The following THSD7A variants were observed in gnomAD, a reference collection of about 807,000 sequenced individuals.
The protein encoded by THSD7A is thrombospondin type-1 domain-containing protein 7A.
A neutral mutation model predicts 231.3 loss-of-function variants in THSD7A; 96 were observed. The observed-to-expected ratio is 0.41, with a 90% CI of 0.35 to 0.49. The LOEUF (loss-of-function observed/expected upper bound fraction) is 0.49, where lower values mean the gene tolerates loss of function less well. Ranked by LOEUF, THSD7A falls within the 20% of genes least tolerant of loss-of-function variation. The probability of loss-of-function intolerance (pLI) is 0.05; values close to 1 mark genes in which losing one functional copy is unlikely to be tolerated. For missense variants in THSD7A, 2,290 were observed against 2,070.2 expected (o/e 1.11, Z -2.06); for synonymous variants, 940 against 743.3 (o/e 1.26, Z -4.30).
intron 13 of THSD7A, among the ~76,000 whole-genome samples, chr7:11,432,753 A>T (rs1347490653): frequency 1.3e-5 from 2 of 152,028 alleles, no homozygotes. Flanking sequence ...TGGGGCCATT[A>T]TTAACAGTGC....
intron 1 of THSD7A, among the ~76,000 whole-genome samples, chr7:11,791,465 G>C (rs1367473963): frequency 6.6e-6 from 1 of 151,938 alleles, no homozygotes; most frequent in Non-Finnish European, 1.5e-5. Context: ...CCTTTGTTGA[G>C]GGTTGAAGGA....
intron 13 of THSD7A, among the ~76,000 whole-genome samples, chr7:11,432,553 A>T (rs983254770): frequency 6.6e-5 from 10 of 152,028 alleles, no homozygotes; most frequent in African/African-American, 9.7e-5. Context: ...TTTCATGTAA[A>T]TCGAATCATA....
intron 1 of THSD7A, among the ~76,000 whole-genome samples, chr7:11,713,689 G>A (rs1220526148): frequency 6.6e-6 from 1 of 151,178 alleles, no homozygotes; most frequent in Non-Finnish European, 1.5e-5. Context: ...GAAGCCAGAT[G>A]ATCATGACAG....
intron 1 of THSD7A, among the ~76,000 whole-genome samples, chr7:11,664,729 A>G (rs1191322082): frequency 6.6e-6 from 1 of 152,008 alleles, no homozygotes; most frequent in African/African-American, 2.4e-5. Flanking sequence ...CATGATGGTA[A>G]GCTTAAGATG....
intron 2 of THSD7A, among the ~76,000 whole-genome samples, chr7:11,601,742 G>A (rs1207730490): frequency 6.6e-6 from 1 of 152,136 alleles, no homozygotes; most frequent in Non-Finnish European, 1.5e-5. Flanking sequence ...GTAGACGTCT[G>A]AATCTTAAGA....
intron 23 of THSD7A, among the ~76,000 whole-genome samples, chr7:11,397,302 C>T (rs992419962): frequency 6.6e-6 from 1 of 152,112 alleles, no homozygotes. Context: ...CTAAGAAAAG[C>T]AATGGGAAAA....
intron 6 of THSD7A, among the ~76,000 whole-genome samples, chr7:11,496,887 TA>T: frequency 6.6e-6 from 1 of 152,288 alleles, no homozygotes; most frequent in East Asian, 1.9e-4. Context: ...ACACTGAGGC[TA>T]AAAAGTTGTG....
At chr7:11,769,122 A>AATATATATATATATAT (rs1219135740) in intron 1 of THSD7A, among the ~76,000 whole-genome samples, 6 of 35,888 alleles carry the variant, frequency 1.7e-4, no homozygotes, top group African/African-American at 5.1e-4. Flanking sequence ...AATTCCTGGC[A>AATATATATATATATAT]ATATATATAT....
intron 7 of THSD7A, among the ~76,000 whole-genome samples, chr7:11,477,489 T>C (rs1373074837): frequency 6.7e-6 from 1 of 149,572 alleles, no homozygotes; most frequent in Non-Finnish European, 1.5e-5. Context: ...AGGGAAATAT[T>C]TGAGACTATA....
In THSD7A at chr7:11,407,291, A is replaced by T; in HGVS notation, c.3916+15T>A. ...CTTGACCAGTAGCCTAATATAAGTT[A>T]TGGTACAAACAAACCTGTGAGGCCA... is the stretch of plus-strand genomic sequence containing the variant. On this transcript the variant is annotated intron_variant, in intron 20 of 27. Coordinates refer to ENST00000423059, the MANE Select transcript of THSD7A (RefSeq NM_015204.3). 6.3e-7 allele frequency: 1 copy of T among 1,597,706 alleles called. No homozygotes were observed. The highest frequency in any genetic ancestry group is 8.6e-7 in the Non-Finnish European group (1 of 1,167,644).
intron 1 of THSD7A, among the ~76,000 whole-genome samples, chr7:11,664,930 G>A (rs1033380690): frequency 2.6e-5 from 4 of 151,954 alleles, no homozygotes; most frequent in Admixed American, 6.6e-5. Context: ...TAAGATGGAT[G>A]CAAATCAAAG....
intron 13 of THSD7A, among the ~76,000 whole-genome samples, chr7:11,430,554 G>T (rs1784449048): frequency 6.6e-6 from 1 of 152,066 alleles, no homozygotes; most frequent in East Asian, 1.9e-4. Context: ...TTGACCTCCT[G>T]CACTCAAGAG....
chr7:11,502,255 T>G (rs1400775649), intron 6 of THSD7A, among the ~76,000 whole-genome samples: 2 of 152,146 alleles, frequency 1.3e-5, no homozygotes, highest in Non-Finnish European at 2.9e-5. Flanking sequence ...CCAAAAGGAT[T>G]AGGAGGAGGG....
intron 7 of THSD7A, among the ~76,000 whole-genome samples, chr7:11,475,178 T>C (rs1300541651): frequency 2.0e-5 from 3 of 152,074 alleles, no homozygotes; most frequent in South Asian, 4.2e-4. Context: ...AAAGAAGCTA[T>C]TAGTGTGAAG....
intron 6 of THSD7A, among the ~76,000 whole-genome samples, chr7:11,531,533 T>G (rs1345912208): frequency 6.6e-6 from 1 of 152,150 alleles, no homozygotes; most frequent in Non-Finnish European, 1.5e-5. Context: ...GTCCAAGCAT[T>G]TTCTACCTCT....
At chr7:11,659,335 C>T (rs573949361) in intron 1 of THSD7A, among the ~76,000 whole-genome samples, 1 of 151,670 alleles carries the variant, frequency 6.6e-6, no homozygotes, top group African/African-American at 2.4e-5. Flanking sequence ...CAAATTTGTT[C>T]ATGTCACTTT....
intron 4 of THSD7A, among the ~76,000 whole-genome samples, chr7:11,546,532 A>G (rs1789407722): frequency 6.6e-6 from 1 of 152,196 alleles, no homozygotes; most frequent in African/African-American, 2.4e-5. Context: ...CAAACCCTCA[A>G]GGACATCAAA....
intron 6 of THSD7A, among the ~76,000 whole-genome samples, chr7:11,516,260 C>T (rs1583887801): frequency 6.6e-6 from 1 of 152,100 alleles, no homozygotes; most frequent in Non-Finnish European, 1.5e-5. Flanking sequence ...ACTTAAAATG[C>T]ACTTACAAAA....
rs1486556193 is a variant in THSD7A at position 11,446,821 on chromosome 7, T to A, written c.2800+409A>T. Among the ~76,000 whole-genome samples, 1 of 152,134 alleles carries A rather than the reference T, an allele frequency of 6.6e-6. No individual in the cohort carries two copies. Among genetic ancestry groups the A allele is most frequent in the Non-Finnish European group, 1.5e-5 (1 of 68,006 alleles). ...GTCATTACTATGGTTTAAAATACAA[T>A]TTTCAGATACAGAATTAATGCTATA... On this transcript the variant is annotated intron_variant, in intron 12 of 27. Transcript: ENST00000423059. The surrounding 1 kb of genome is among the most constrained non-coding windows in gnomAD (Gnocchi z 4.0).
Sources: gnomAD v4.1 joint callset for allele counts (sites outside exome capture counted in the v4.1 genomes callset) on GRCh38, gnomAD v4.1.1 for gene constraint, Gnocchi (gnomAD v3.1) non-coding constraint, MANE v1.5 for transcripts, NCBI Gene and HGNC (gene_info 2026-07-23, HGNC 2026-07-21) for gene names.